MGAT4C: variants seen among roughly 807,000 people sequenced by gnomAD.
The protein encoded by MGAT4C is alpha-1,3-mannosyl-glycoprotein 4-beta-N-acetylglucosaminyltransferase C.
In MGAT4C, 19 loss-of-function variants were observed where a neutral mutation model predicts 40.1. The ratio of observed to expected loss-of-function variants is 0.47; its 90% CI spans 0.33 to 0.70. The LOEUF is 0.70. MGAT4C is among the 30% of genes least tolerant of loss of function. The probability of loss-of-function intolerance (pLI) is 0.02; values close to 1 mark genes in which losing one functional copy is unlikely to be tolerated. For synonymous variants in MGAT4C, 181 were observed against 187.1 expected (o/e 0.97, Z 0.27); for missense variants, 491 against 563.2 (o/e 0.87, Z 1.30).
intron 2 of MGAT4C, among the ~76,000 whole-genome samples, chr12:86,033,427 A>G (rs1245513065): frequency 6.7e-6 from 1 of 149,106 alleles, no homozygotes; most frequent in Non-Finnish European, 1.5e-5. Context: ...ATTGTCTTTG[A>G]TTTCTTAGAG....
At chr12:86,034,064 T>C (rs1462165795) in intron 2 of MGAT4C, among the ~76,000 whole-genome samples, 1 of 149,942 alleles carries the variant, frequency 6.7e-6, no homozygotes, top group African/African-American at 2.4e-5. Flanking sequence ...TTTACTGATT[T>C]GCATATGTTG....
At chr12:85,982,561 A>G (rs1488514441) in intron 4 of MGAT4C, among the ~76,000 whole-genome samples, 3 of 152,182 alleles carry the variant, frequency 2.0e-5, no homozygotes, top group African/African-American at 7.2e-5. Flanking sequence ...GTTATAATTA[A>G]AATTGGTAAT....
intron 1 of MGAT4C, among the ~76,000 whole-genome samples, chr12:86,252,396 C>CA (rs1317035881): frequency 7.2e-5 from 11 of 152,012 alleles, no homozygotes; most frequent in African/African-American, 2.7e-4. Context: ...TGTCACTAGA[C>CA]AGATTCTTCA....
chr12:86,148,075 T>C (rs1264232352), intron 1 of MGAT4C, among the ~76,000 whole-genome samples: 3 of 152,188 alleles, frequency 2.0e-5, no homozygotes, highest in Admixed American at 1.3e-4. Context: ...TATTGAAGCA[T>C]TTCATAAAGA....
intron 2 of MGAT4C, among the ~76,000 whole-genome samples, chr12:86,614,481 TTCTTAGTTATA>T (rs1348006469): frequency 6.6e-6 from 1 of 152,120 alleles, no homozygotes; most frequent in Non-Finnish European, 1.5e-5. Flanking sequence ...TTAAAAATAA[TTCTTAGTTATA>T]TATCATTTAG....
At chr12:85,990,897 G>A (rs1885838913) in intron 2 of MGAT4C, among the ~76,000 whole-genome samples, 1 of 152,182 alleles carries the variant, frequency 6.6e-6, no homozygotes, top group Admixed American at 6.5e-5. Flanking sequence ...CAAATAGTAT[G>A]AGAAGTGGTA....
intron 2 of MGAT4C, among the ~76,000 whole-genome samples, chr12:86,535,454 G>A (rs1224164070): frequency 6.6e-6 from 1 of 151,956 alleles, no homozygotes; most frequent in African/African-American, 2.4e-5. Context: ...TTTAAACCCT[G>A]TGTTCACTGT....
intron 3 of MGAT4C, among the ~76,000 whole-genome samples, chr12:86,412,345 G>T (rs2136246749): frequency 6.6e-6 from 1 of 152,310 alleles, no homozygotes; most frequent in African/African-American, 2.4e-5. Context: ...GCAGCCATAG[G>T]GGCTGAGCCA....
intron 1 of MGAT4C, among the ~76,000 whole-genome samples, chr12:86,811,627 C>A (rs189627252): frequency 6.6e-6 from 1 of 151,394 alleles, no homozygotes; most frequent in Admixed American, 6.6e-5. Context: ...CAGGCATGAC[C>A]CAACGTGCCC....
At chr12:86,184,738 TAAAAAAAAA>T (rs34098097) in intron 1 of MGAT4C, among the ~76,000 whole-genome samples, 5 of 86,910 alleles carry the variant, frequency 5.8e-5, no homozygotes, top group African/African-American at 2.4e-4. Flanking sequence ...TTTCTCCTGT[TAAAAAAAAA>T]AAAAAAAAAA....
chr12:86,258,284 A>AATCTATCTATCT (rs10534958), upstream of MGAT4C, among the ~76,000 whole-genome samples: 73 of 146,758 alleles, frequency 5.0e-4, no homozygotes, highest in South Asian at 6.6e-4. Flanking sequence ...AACAGGATAT[A>AATCTATCTATCT]ATCTATCTAT....
chr12:86,025,671 G>A (rs370863693), intron 2 of MGAT4C, among the ~76,000 whole-genome samples: 29 of 151,574 alleles, frequency 1.9e-4, no homozygotes, highest in African/African-American at 6.8e-4. Flanking sequence ...GAAAGGCTGT[G>A]GGACTGTCTA....
chr12:86,065,374 C>A (rs1312082032), intron 1 of MGAT4C, among the ~76,000 whole-genome samples: 1 of 152,168 alleles, frequency 6.6e-6, no homozygotes, highest in Non-Finnish European at 1.5e-5. Flanking sequence ...ATGAAGTTGG[C>A]TTCATACCTG....
chr12:86,023,158 A>C (rs1889928813), intron 2 of MGAT4C, among the ~76,000 whole-genome samples: 1 of 152,158 alleles, frequency 6.6e-6, no homozygotes, highest in Admixed American at 6.6e-5. Context: ...TTAAATGAGA[A>C]GATAATAAGA....
intron 1 of MGAT4C, among the ~76,000 whole-genome samples, chr12:86,164,580 G>T (rs980504587): frequency 1.3e-5 from 2 of 152,154 alleles, no homozygotes; most frequent in African/African-American, 4.8e-5. Flanking sequence ...ATGGAAGAGT[G>T]TATGATGTTT....
chr12:86,765,490 C>G (rs989270381), intron 1 of MGAT4C, among the ~76,000 whole-genome samples: 23 of 152,140 alleles, frequency 1.5e-4, no homozygotes, highest in African/African-American at 5.6e-4. Context: ...GGCAGGCCAA[C>G]ATTCAGAATC....
chr12:86,342,254 T>G (rs1235796232), intron 3 of MGAT4C, among the ~76,000 whole-genome samples: 2 of 152,090 alleles, frequency 1.3e-5, no homozygotes, highest in Admixed American at 1.3e-4. Flanking sequence ...GCCCCAAGCA[T>G]AGCATAGTAG....
At chr12:86,408,743 C>T (rs1169924577) in intron 3 of MGAT4C, among the ~76,000 whole-genome samples, 1 of 151,442 alleles carries the variant, frequency 6.6e-6, no homozygotes, top group Non-Finnish European at 1.5e-5. Context: ...ATTTATTTTT[C>T]TCTTTGAATA....
At chr12:86,637,278 C>G (rs1963247830) in intron 2 of MGAT4C, among the ~76,000 whole-genome samples, 2 of 151,880 alleles carry the variant, frequency 1.3e-5, no homozygotes, top group Non-Finnish European at 2.9e-5. Flanking sequence ...GTGCTATAAG[C>G]TACATTTTCA....
Sources: allele counts gnomAD v4.1 joint callset (sites outside exome capture counted in the v4.1 genomes callset), GRCh38; gene constraint gnomAD v4.1.1; transcripts MANE v1.5; gene names NCBI Gene and HGNC (gene_info 2026-07-23, HGNC 2026-07-21).